The following RYR2 variants were observed in gnomAD, a reference collection of about 807,000 sequenced individuals.
RYR2 encodes ryanodine receptor 2.
In RYR2, 227 loss-of-function variants were observed where a neutral mutation model predicts 601.1. The ratio of observed to expected loss-of-function variants is 0.38; its 90% confidence interval spans 0.34 to 0.42. RYR2 has a LOEUF of 0.42. Among genes scored for constraint, RYR2 ranks in the 10% least tolerant of loss-of-function variants. The pLI, the probability that RYR2 is intolerant of heterozygous loss-of-function variation, is 1.00. For synonymous variants in RYR2, 2,223 were observed against 2,175.1 expected, an observed-to-expected ratio of 1.02 and a Z score of -0.61; for missense variants, 4,646 against 6,156.5, an observed-to-expected ratio of 0.75 and a Z score of 8.21.
chr1:237,641,049 T>A, intron 47 of RYR2, 47 bp downstream of exon 47: 1 of 1,397,152 alleles, frequency 7.2e-7, no homozygotes, highest in Non-Finnish European at 9.9e-7. Flanking sequence ...TTCTCTGTGT[T>A]AAGACATCTA....
intron 76 of RYR2, among the ~76,000 whole-genome samples, chr1:237,727,815 CAT>C (rs1690321802): frequency 6.6e-6 from 1 of 152,108 alleles, no homozygotes; most frequent in Non-Finnish European, 1.5e-5. Context: ...ATAGAGCAGA[CAT>C]ACTTAATAGA....
chr1:237,403,358 T>C (rs12138976), intron 10 of RYR2, among the ~76,000 whole-genome samples: 34,393 of 152,160 alleles, frequency 0.23, 3,929 homozygotes, highest in East Asian at 0.29. Context: ...AGACATGGGA[T>C]GTAAGCTTAA....
intron 12 of RYR2, among the ~76,000 whole-genome samples, chr1:237,431,324 A>G (rs1467543282): frequency 6.6e-6 from 1 of 152,218 alleles, no homozygotes; most frequent in Admixed American, 6.5e-5. Context: ...ATGCATAGTC[A>G]TTACAGAAAA....
intron 10 of RYR2, among the ~76,000 whole-genome samples, chr1:237,394,869 C>G (rs538531313): frequency 2.6e-5 from 4 of 152,164 alleles, no homozygotes; most frequent in African/African-American, 9.7e-5. Context: ...TCTGCAGGCT[C>G]TATAGGCTGG....
chr1:237,224,262 A>G (rs944726918), intron 1 of RYR2, among the ~76,000 whole-genome samples: 1 of 152,224 alleles, frequency 6.6e-6, no homozygotes, highest in Non-Finnish European at 1.5e-5. Flanking sequence ...TAAGGATGGT[A>G]TATCATGAGT....
intron 1 of RYR2, among the ~76,000 whole-genome samples, chr1:237,237,960 T>TCCTTTCC (rs1268760953): frequency 2.8e-4 from 18 of 63,294 alleles, no homozygotes; most frequent in South Asian, 6.2e-4. Flanking sequence ...TCCTTTCCTT[T>TCCTTTCC]CCTTTCCTTT....
intron 29 of RYR2, among the ~76,000 whole-genome samples, chr1:237,588,216 G>A (rs1674749734): frequency 1.3e-5 from 2 of 151,938 alleles, no homozygotes; most frequent in Admixed American, 1.3e-4. Flanking sequence ...CTGGTTGGTG[G>A]CACTGTTATA....
rs574077810 is a variant in RYR2 at position 237,126,747 on chromosome 1, T to C, written c.48+84178T>C. Among the ~76,000 whole-genome samples the C allele has an allele frequency of 9.2e-5, 14 of 152,270 alleles. No individual in the cohort carries two copies. The East Asian group carries it at 1.3e-3, about 15-fold the overall frequency. On this transcript the variant is annotated intron_variant, in intron 1 of 104. Transcript: ENST00000366574. ...GAACATGTACCTGTGTAAAGACTTA[T>C]GGAAAGAATTTTTATTTTATTTTTT...
intron 100 of RYR2, among the ~76,000 whole-genome samples, chr1:237,817,004 A>T (rs144503196): frequency 7.9e-5 from 12 of 152,258 alleles, no homozygotes; most frequent in African/African-American, 2.6e-4. Flanking sequence ...TATCAGCCTA[A>T]TCTGGCTCTA....
At chr1:237,777,100 TCTC>T (rs1293717053) in intron 87 of RYR2, among the ~76,000 whole-genome samples, 1 of 152,128 alleles carries the variant, frequency 6.6e-6, no homozygotes, top group Non-Finnish European at 1.5e-5. Context: ...ACATGATGGT[TCTC>T]CTGAAGCCTC....
chr1:237,101,148 T>C (rs1045877851), intron 1 of RYR2, among the ~76,000 whole-genome samples: 8 of 152,080 alleles, frequency 5.3e-5, no homozygotes, highest in Non-Finnish European at 1.5e-5. Context: ...CTTTTTAACT[T>C]ATTGGCAGAG....
intron 4 of RYR2, among the ~76,000 whole-genome samples, chr1:237,360,098 A>C (rs961526779): frequency 1.3e-5 from 2 of 152,234 alleles, no homozygotes; most frequent in African/African-American, 4.8e-5. Context: ...TTAAAAATGC[A>C]TTTTAACACA....
At chr1:237,633,989 G>A (rs1680609870) in intron 43 of RYR2, among the ~76,000 whole-genome samples, 1 of 152,100 alleles carries the variant, frequency 6.6e-6, no homozygotes, top group South Asian at 2.1e-4. Context: ...GTGGGGAAAA[G>A]GGAACCCTTA....
chr1:237,676,324 T>G (rs1685390653), intron 60 of RYR2, among the ~76,000 whole-genome samples: 1 of 152,160 alleles, frequency 6.6e-6, no homozygotes, highest in South Asian at 2.1e-4. Context: ...TTTATTCAAA[T>G]TTCTGAATAA....
chr1:237,540,462 G>C (rs1975962), intron 25 of RYR2, among the ~76,000 whole-genome samples: 1 of 151,512 alleles, frequency 6.6e-6, no homozygotes. Context: ...AATCCCAACA[G>C]TTGGGAGGCC....
chr1:237,263,116 T>C (rs1688704871), intron 1 of RYR2, among the ~76,000 whole-genome samples: 1 of 152,148 alleles, frequency 6.6e-6, no homozygotes, highest in South Asian at 2.1e-4. Flanking sequence ...GTCACAGCAA[T>C]AATAGACAGG....
intron 10 of RYR2, among the ~76,000 whole-genome samples, chr1:237,388,460 T>C (rs1288439976): frequency 6.6e-6 from 1 of 152,248 alleles, no homozygotes; most frequent in African/African-American, 2.4e-5. Context: ...AGTGACCACA[T>C]TGCATTAAAC....
rs1694208707 is a variant in RYR2, at chr1:237,770,808, A to G, written c.11478A>G (p.Gly3826=). ...GLGMVTEEGS[G]EKVLQDDEFT... ...TTGATCCCTCTGGATTTCCCACAGG[A>G]GAAAAGGTTCTGCAGGACGATGAGT... Residue 3826 remains glycine, a splice_region_variant and synonymous_variant, in exon 85 of 105, where the codon GGA becomes GGG. Coordinates refer to ENST00000366574, the MANE Select transcript of RYR2 (RefSeq NM_001035.3). 1 of 1,550,864 alleles carries G rather than the reference A, an allele frequency of 6.4e-7. No individual in the cohort carries two copies. The highest frequency in any genetic ancestry group is 2.4e-5 in the East Asian group (1 of 41,166).
Position 237,610,630 on chromosome 1 carries a change from G to C in RYR2, c.4684-132G>C. ...TTCAACCCAATTTCTATGATTTCTT[G>C]TGTTGACTTTGCTTGACTCATAGGG... On this transcript the variant is annotated intron_variant, in intron 35 of 104. Coordinates refer to ENST00000366574, the MANE Select transcript of RYR2 (RefSeq NM_001035.3). The surrounding 1 kb of genome is among the most constrained non-coding windows in gnomAD (Gnocchi z 4.9). 1.4e-6 allele frequency: 1 copy of C among 700,304 alleles called. No individual in the cohort carries two copies. The highest frequency in any genetic ancestry group is 2.4e-6 in the Non-Finnish European group (1 of 423,224). 43.4% of individuals were successfully genotyped at this position (700,304 alleles called of 1,614,324 possible).
Sources: gnomAD v4.1 joint callset for allele counts (sites outside exome capture counted in the v4.1 genomes callset) on GRCh38, gnomAD v4.1.1 for gene constraint, Gnocchi (gnomAD v3.1) non-coding constraint, MANE v1.5 for transcripts, NCBI Gene and HGNC (gene_info 2026-07-23, HGNC 2026-07-21) for gene names.